The following PBRM1 variants were observed in gnomAD, a reference collection of about 807,000 sequenced individuals.
The protein encoded by PBRM1 is protein polybromo-1.
In PBRM1, 27 loss-of-function variants were observed where a neutral mutation model predicts 194.5. That is an observed-to-expected ratio of 0.14 (90% CI 0.10 to 0.19). PBRM1 has a LOEUF of 0.19. Among genes scored for constraint, PBRM1 ranks in the 10% least tolerant of loss-of-function variants. PBRM1 has a pLI of 1.00. For missense variants in PBRM1, 1,466 were observed against 2,077.2 expected (o/e 0.71, Z 5.72); for synonymous variants, 655 against 693.2 (o/e 0.94, Z 0.87).
At chr3:52,591,003 T>A (rs62253700) in intron 17 of PBRM1, among the ~76,000 whole-genome samples, 52,068 of 152,074 alleles carry the variant, frequency 0.34, 9,932 homozygotes, top group Admixed American at 0.46. Flanking sequence ...TTTCCAGGTA[T>A]TTTATTCTTT....
intron 2 of PBRM1, among the ~76,000 whole-genome samples, chr3:52,672,454 G>T (rs1000115053): frequency 1.4e-5 from 2 of 146,160 alleles, no homozygotes; most frequent in Non-Finnish European, 3.0e-5. Context: ...TACGTTTTCA[G>T]AACAAATAAC....
chr3:52,555,426 T>C (rs940816973), intron 26 of PBRM1, among the ~76,000 whole-genome samples: 15 of 152,218 alleles, frequency 9.9e-5, no homozygotes, highest in Admixed American at 9.8e-4. Flanking sequence ...TTTCTAGCCT[T>C]ACCACTGCTG....
intron 13 of PBRM1, among the ~76,000 whole-genome samples, chr3:52,619,233 T>C (rs982740205): frequency 6.6e-6 from 1 of 152,202 alleles, no homozygotes; most frequent in African/African-American, 2.4e-5. Context: ...TAAGGTCCTA[T>C]AGTATAGTCA....
At chr3:52,576,418 G>T in intron 22 of PBRM1, 123 bp downstream of exon 24, 2 of 586,612 alleles carry the variant, frequency 3.4e-6, no homozygotes, top group Non-Finnish European at 5.7e-6. Flanking sequence ...CAACATAAGA[G>T]AACAGAGATT....
At chr3:52,633,874 G>A (rs1031921088) in intron 11 of PBRM1, among the ~76,000 whole-genome samples, 3 of 151,888 alleles carry the variant, frequency 2.0e-5, no homozygotes, top group Non-Finnish European at 2.9e-5. Flanking sequence ...TGGTTGAGAC[G>A]TCCTACTATT....
At chr3:52,628,839 G>T in intron 12 of PBRM1, 55 bp downstream of exon 13, 2 of 1,518,772 alleles carry the variant, frequency 1.3e-6, no homozygotes, top group Non-Finnish European at 9.1e-7. Context: ...CTCAAAACAT[G>T]CAAAATTATT....
chr3:52,599,850 T>C (rs2093862034), intron 17 of PBRM1, among the ~76,000 whole-genome samples: 2 of 151,708 alleles, frequency 1.3e-5, no homozygotes, highest in South Asian at 2.1e-4. Context: ...AAAATTTTTT[T>C]TTACTGTCAA....
chr3:52,573,508 G>T lies in PBRM1; in HGVS notation c.3691+3033C>A, dbSNP rs2088221068. On this transcript the variant is annotated intron_variant, in intron 22 of 29. Transcript: ENST00000296302. ...GGGGTTTCACCACGTTGGCCAGGCT[G>T]GTCTCTTAACTCCTAATCTCAGGTG... Among the ~76,000 whole-genome samples the T allele has an allele frequency of 2.0e-5, 3 of 152,118 alleles. No homozygotes were observed. In the South Asian group the frequency reaches 6.2e-4, roughly 32 times the overall value.
intron 7 of PBRM1, 45 bp downstream of exon 8, chr3:52,648,299 A>G: frequency 9.5e-7 from 1 of 1,050,438 alleles, no homozygotes; most frequent in Middle Eastern, 2.0e-4. Context: ...TAAATTATCT[A>G]CTATTACCAA....
chr3:52,635,426 C>A (rs2095771892), intron 10 of PBRM1, among the ~76,000 whole-genome samples: 1 of 151,878 alleles, frequency 6.6e-6, no homozygotes, highest in East Asian at 1.9e-4. Flanking sequence ...ATTAGCTGGG[C>A]ATGGTGGCAT....
At chr3:52,618,534 C>T (rs73839116) in intron 13 of PBRM1, among the ~76,000 whole-genome samples, 2,933 of 151,682 alleles carry the variant, frequency 0.019, 100 homozygotes, top group African/African-American at 0.067. Flanking sequence ...TCAGACTAAC[C>T]AGCAGTCTCC....
intron 3 of PBRM1, among the ~76,000 whole-genome samples, chr3:52,667,973 C>G (rs2096873400): frequency 6.6e-6 from 1 of 151,772 alleles, no homozygotes; most frequent in African/African-American, 2.4e-5. Flanking sequence ...AAGATTTGAG[C>G]AGACAGAGAA....
intron 3 of PBRM1, among the ~76,000 whole-genome samples, chr3:52,667,067 C>CGTAT (rs2096854076): frequency 1.3e-5 from 2 of 151,928 alleles, no homozygotes; most frequent in Admixed American, 6.6e-5. Context: ...GTTGGTTATA[C>CGTAT]CTGTGGGAAA....
intron 22 of PBRM1, among the ~76,000 whole-genome samples, chr3:52,574,625 G>A (rs965836054): frequency 6.6e-6 from 1 of 152,178 alleles, no homozygotes; most frequent in Non-Finnish European, 1.5e-5. Flanking sequence ...GCCAACAATA[G>A]TGTACATGCT....
chr3:52,632,641 C>T (rs1560552456), intron 11 of PBRM1, among the ~76,000 whole-genome samples: 1 of 151,344 alleles, frequency 6.6e-6, no homozygotes, highest in African/African-American at 2.4e-5. Context: ...ACTATCCCCC[C>T]CAATTTGAAA....
At chr3:52,643,920 C>T (rs771678204) in intron 8 of PBRM1, among the ~76,000 whole-genome samples, 26 of 151,182 alleles carry the variant, frequency 1.7e-4, no homozygotes, top group Non-Finnish European at 2.9e-4. Flanking sequence ...TGCAGTGGGC[C>T]GAGATTGTGC....
At chr3:52,626,987 A>G (rs2095467784) in intron 13 of PBRM1, among the ~76,000 whole-genome samples, 1 of 140,344 alleles carries the variant, frequency 7.1e-6, no homozygotes, top group Non-Finnish European at 1.5e-5. Flanking sequence ...GCATTCTTAA[A>G]ATGCCACATT....
intron 2 of PBRM1, among the ~76,000 whole-genome samples, chr3:52,672,484 T>G (rs1013577171): frequency 6.8e-6 from 1 of 148,068 alleles, no homozygotes; most frequent in Non-Finnish European, 1.5e-5. Context: ...CAGAGGTTTT[T>G]TTTTGGCTTT....
At chr3:52,646,335 C>T (rs1396409228) in intron 7 of PBRM1, among the ~76,000 whole-genome samples, 1 of 152,218 alleles carries the variant, frequency 6.6e-6, no homozygotes, top group Admixed American at 6.5e-5. Context: ...CAATGATACA[C>T]GATTAATTCA....
Sources: allele counts gnomAD v4.1 joint callset (sites outside exome capture counted in the v4.1 genomes callset), GRCh38; gene constraint gnomAD v4.1.1; transcripts MANE v1.5; gene names NCBI Gene and HGNC (gene_info 2026-07-23, HGNC 2026-07-21).